The following ZFPM1 variants were observed in gnomAD, a reference collection of about 807,000 sequenced individuals.
ZFPM1 encodes zinc finger protein, FOG family member 1.
ZFPM1 carries 28 observed loss-of-function variants against 46.3 expected under a neutral mutation model. The ratio of observed to expected loss-of-function variants is 0.60; its 90% CI spans 0.45 to 0.83. The LOEUF is 0.83. Among genes scored for constraint, ZFPM1 ranks in the 40% least tolerant of loss-of-function variants. The pLI is 0.00. For synonymous variants in ZFPM1, 957 were observed against 675.9 expected (o/e 1.42, Z -6.45); for missense variants, 1,878 against 1,432.4 (o/e 1.31, Z -5.02).
chr16:88,484,966 C>T (rs967540933), intron 1 of ZFPM1, among the ~76,000 whole-genome samples: 1 of 152,206 alleles, frequency 6.6e-6, no homozygotes, highest in Admixed American at 6.5e-5. Context: ...GGCCCTGAGG[C>T]ACTCCACCCC....
intron 1 of ZFPM1, among the ~76,000 whole-genome samples, chr16:88,475,442 C>A (rs1597235851): frequency 1.3e-5 from 2 of 152,112 alleles, no homozygotes; most frequent in South Asian, 4.1e-4. Flanking sequence ...AGAGACCAGA[C>A]CTCGGGCCTG....
intron 1 of ZFPM1, among the ~76,000 whole-genome samples, chr16:88,457,993 A>T (rs1229157080): frequency 6.6e-6 from 1 of 152,230 alleles, no homozygotes; most frequent in Non-Finnish European, 1.5e-5. Flanking sequence ...AATAATATTC[A>T]TAACAGCCAA....
In ZFPM1 at chr16:88,470,752, CGCTG is replaced by C. The variant is rs1256883703; in HGVS notation, c.41-15186_41-15183del. 7.5e-5 allele frequency among the ~76,000 whole-genome samples: 2 copies of C among 26,830 alleles called. 1 individual carries two copies. The highest frequency in any genetic ancestry group is 2.7e-4 in the African/African-American group (2 of 7,274). The allele number at this position is 26,830 out of a possible 152,430, so 17.6% of individuals were successfully genotyped here. On this transcript the variant is annotated intron_variant, in intron 1 of 9. Transcript: ENST00000319555. ...CACGGTGTGGAGGGCCGGGTGGTGA[CGCTG>C]AGTGACACGTGAGGATGTGGCACGG...
chr16:88,521,726 TCCCCTGTGCTGTTCCC>T (rs1567550789), intron 4 of ZFPM1, among the ~76,000 whole-genome samples: 1 of 43,504 alleles, frequency 2.3e-5, no homozygotes, highest in African/African-American at 1.2e-4. Flanking sequence ...CTGTTCCCCC[TCCCCTGTGCTGTTCCC>T]ACACCCTGTG....
rs2142392769 is a variant in ZFPM1, at chr16:88,497,412, G to T, written c.268+8259G>T. 6.6e-6 allele frequency among the ~76,000 whole-genome samples: 1 copy of T among 150,784 alleles called. No homozygotes were observed. The highest frequency in any genetic ancestry group is 2.4e-5 in the African/African-American group (1 of 40,930). ...GGCCCGGGCGGGGATGGGGTTCAGA[G>T]GGGTCAGGGTGGGGCTCAGGGCCTG... is the stretch of plus-strand genomic sequence containing the variant. On this transcript the variant is annotated intron_variant, in intron 3 of 9. Coordinates refer to ENST00000319555, the MANE Select transcript of ZFPM1 (RefSeq NM_153813.3). The surrounding 1 kb of genome is among the most constrained non-coding windows in gnomAD (Gnocchi z 5.4).
chr16:88,521,704 C>G (rs1410331168), intron 4 of ZFPM1, among the ~76,000 whole-genome samples: 2 of 143,922 alleles, frequency 1.4e-5, no homozygotes, highest in Non-Finnish European at 3.1e-5. Flanking sequence ...ATGCTGTTCC[C>G]TCTCCCCTGT....
intron 3 of ZFPM1, among the ~76,000 whole-genome samples, chr16:88,501,548 C>T (rs1910319475): frequency 6.8e-6 from 1 of 146,428 alleles, no homozygotes. Context: ...TGGGCCATCC[C>T]GCAGGTGCTG....
intron 4 of ZFPM1, among the ~76,000 whole-genome samples, chr16:88,522,652 G>A (rs1364166037): frequency 2.0e-5 from 3 of 152,340 alleles, no homozygotes; most frequent in African/African-American, 7.2e-5. Context: ...TTTGTTGGGG[G>A]AAACAAGGAA....
At chr16:88,464,228 G>A (rs368557846) in intron 1 of ZFPM1, among the ~76,000 whole-genome samples, 2 of 152,166 alleles carry the variant, frequency 1.3e-5, no homozygotes, top group African/African-American at 2.4e-5. Context: ...ACCTGGGCCC[G>A]AGGGGCCGAG....
rs1909211188 is a variant in ZFPM1 at position 88,486,137 on chromosome 16, TGTGGGCCAA to T, written c.145+95_145+103del. ...TCAGAGCTCAGTGGTGTCTGAGAGG[TGTGGGCCAA>T]CTATATGCAGGAGTCCAGGACAGGC... On this transcript the variant is annotated intron_variant, in intron 2 of 9. Coordinates refer to ENST00000319555, the MANE Select transcript of ZFPM1 (RefSeq NM_153813.3). 5 of 1,304,710 alleles carry T rather than the reference TGTGGGCCAA, an allele frequency of 3.8e-6. No individual in the cohort carries two copies. In the African/African-American group the frequency reaches 7.3e-5, roughly 19 times the overall value. 80.8% of individuals were successfully genotyped at this position (1,304,710 alleles called of 1,614,324 possible). A position where few individuals can be genotyped will look rare whatever the true frequency, so the allele number is the denominator to read the frequency against.
rs139790282 is a variant in ZFPM1 at position 88,535,647 on chromosome 16, C to G, written c.*668C>G. 1 of 152,286 alleles carries G rather than the reference C, an allele frequency of 6.6e-6. No individual in the cohort carries two copies. 9.4% of individuals were successfully genotyped at this position (152,286 alleles called of 1,614,324 possible). A position where few individuals can be genotyped will look rare whatever the true frequency, so the allele number is the denominator to read the frequency against. The stretch of plus-strand genomic sequence containing the variant: ...GAGTAGGTGGACAGGAGAGGGAGAC[C>G]GAGGCCGAAGCATTCCCTGGCCTCG... On this transcript the variant is annotated 3_prime_UTR_variant, in exon 10 of 10. Transcript: ENST00000319555.
intron 3 of ZFPM1, among the ~76,000 whole-genome samples, chr16:88,505,343 GTCT>G (rs1231348245): frequency 6.6e-6 from 1 of 152,192 alleles, no homozygotes; most frequent in East Asian, 1.9e-4. Context: ...CTCTGGCTGG[GTCT>G]TCTCCCAGGC....
At chr16:88,500,399 C>T (rs561773863) in intron 3 of ZFPM1, among the ~76,000 whole-genome samples, 1 of 152,388 alleles carries the variant, frequency 6.6e-6, no homozygotes, top group African/African-American at 2.4e-5. Flanking sequence ...GGGCAAGCCA[C>T]AAGCGTGTCG....
At chr16:88,462,496 G>A (rs767176995) in intron 1 of ZFPM1, among the ~76,000 whole-genome samples, 2 of 152,268 alleles carry the variant, frequency 1.3e-5, no homozygotes, top group Non-Finnish European at 2.9e-5. Context: ...TGCTCTGGCT[G>A]TGGAGGCAGC....
In ZFPM1 at chr16:88,497,257, G is replaced by A. The variant is rs558177579; in HGVS notation, c.268+8104G>A. Reference sequence around the variant, plus strand: ...GAGATGGGAGGGGCGGCAGGTGGACGGCCCCAGCCCCAGCCCCAGCCCCAG... The same window carrying A: ...GAGATGGGAGGGGCGGCAGGTGGACAGCCCCAGCCCCAGCCCCAGCCCCAG... On this transcript the variant is annotated intron_variant, in intron 3 of 9. Transcript: ENST00000319555. The surrounding 1 kb of genome is among the most constrained non-coding windows in gnomAD (Gnocchi z 5.4). Among the ~76,000 whole-genome samples, 51 of 151,778 alleles carry A rather than the reference G, an allele frequency of 3.4e-4. No individual in the cohort carries two copies. The South Asian group carries it at 9.8e-3, about 29-fold the overall frequency.
Position 88,534,990 on chromosome 16 carries a change from T to C in ZFPM1, c.*11T>C. ...GAGCACGTGAAGTGAGCGCCCACAC[T>C]ACAGCCGCAGACGCTTTGCACGCCC... On this transcript the variant is annotated 3_prime_UTR_variant, in exon 10 of 10. Transcript: ENST00000319555. The C allele has an allele frequency of 1.4e-6, 2 of 1,400,398 alleles. No homozygotes were observed. The highest frequency in any genetic ancestry group is 1.9e-6 in the Non-Finnish European group (2 of 1,062,804). The allele number at this position is 1,400,398 out of a possible 1,614,324, so 86.7% of individuals were successfully genotyped here.
rs765325491 is a variant in ZFPM1, at chr16:88,534,806, C to G, written c.2848C>G (p.Pro950Ala). 6.3e-5 allele frequency: 89 copies of G among 1,414,596 alleles called. No individual in the cohort carries two copies. The highest frequency in any genetic ancestry group is 9.1e-5 in the Admixed American group (4 of 44,136). 87.6% of individuals were successfully genotyped at this position (1,414,596 alleles called of 1,614,324 possible). Residue 950 changes from proline (P) to alanine (A), a missense_variant, in exon 10 of 10, where the codon CCC becomes GCC. Coordinates refer to ENST00000319555, the MANE Select transcript of ZFPM1 (RefSeq NM_153813.3). ...PEAVPPPPAP[P>A]SYSDKGVQTP... ...GGCCGTGCCGCCCCCGCCGGCGCCC[C>G]CCTCCTACTCGGACAAGGGCGTCCA...
rs1908400879 is a variant in ZFPM1, at chr16:88,471,152, A to T, written c.41-14787A>T. Among the ~76,000 whole-genome samples the T allele has an allele frequency of 1.3e-5, 2 of 152,118 alleles. No individual in the cohort carries two copies. The highest frequency in any genetic ancestry group is 4.8e-5 in the African/African-American group (2 of 41,416). The stretch of plus-strand genomic sequence containing the variant: ...GCTCCCCTGCAGCCATGATAGATAG[A>T]CCAGACTTTTCCTCTCCACTTACTC... On this transcript the variant is annotated intron_variant, in intron 1 of 9. Transcript: ENST00000319555. The surrounding 1 kb of genome is among the most constrained non-coding windows in gnomAD (Gnocchi z 4.1).
chr16:88,534,176 A>G lies in ZFPM1; in HGVS notation c.2218A>G (p.Thr740Ala). Residue 740 changes from threonine (T) to alanine (A), a missense_variant, in exon 10 of 10, where the codon ACG becomes GCG. By Grantham distance (58) the Thr-to-Ala change is moderately conservative. Coordinates refer to ENST00000319555, the MANE Select transcript of ZFPM1 (RefSeq NM_153813.3). Reference sequence around the variant, plus strand: ...CCCCTCTCCCGCCGCGCCTGTGCGCACGCGCAGACGCCGCAAGCTCTACGA... The same window carrying G: ...CCCCTCTCCCGCCGCGCCTGTGCGCGCGCGCAGACGCCGCAAGCTCTACGA... ...PAPSPAAPVR[T>A]RRRRKLYELH... 1 of 974,836 alleles carries G rather than the reference A, an allele frequency of 1.0e-6. No homozygotes were observed. Among genetic ancestry groups the G allele is most frequent in the African/African-American group, 2.0e-5 (1 of 50,084 alleles). The allele number at this position is 974,836 out of a possible 1,614,324, so 60.4% of individuals were successfully genotyped here. A position where few individuals can be genotyped will look rare whatever the true frequency, so the allele number is the denominator to read the frequency against.
Sources: allele counts gnomAD v4.1 joint callset (sites outside exome capture counted in the v4.1 genomes callset), GRCh38; gene constraint gnomAD v4.1.1; non-coding constraint Gnocchi (gnomAD v3.1); transcripts MANE v1.5; gene names NCBI Gene and HGNC (gene_info 2026-07-23, HGNC 2026-07-21).